The following NRXN3 variants were observed in gnomAD, a reference collection of about 807,000 sequenced individuals.
The protein encoded by NRXN3 is neurexin III.
A neutral mutation model predicts 137.6 loss-of-function variants in NRXN3; 32 were observed. That is an observed-to-expected ratio of 0.23 (90% CI 0.18 to 0.31). NRXN3 has a LOEUF of 0.31. Among genes scored for constraint, NRXN3 ranks in the 10% least tolerant of loss-of-function variants. NRXN3 has a pLI of 1.00. For missense variants in NRXN3, 1,574 were observed against 2,062.5 expected, an observed-to-expected ratio of 0.76 and a Z score of 4.59; for synonymous variants, 798 against 784.5, an observed-to-expected ratio of 1.02 and a Z score of -0.29.
intron 15 of NRXN3, among the ~76,000 whole-genome samples, chr14:79,168,306 T>C (rs957463217): frequency 6.6e-6 from 1 of 152,070 alleles, no homozygotes; most frequent in African/African-American, 2.4e-5. Flanking sequence ...AAAACTGTTG[T>C]GTGATAATAT....
intron 2 of NRXN3, among the ~76,000 whole-genome samples, chr14:78,276,428 G>A (rs1237404864): frequency 6.6e-6 from 1 of 152,128 alleles, no homozygotes; most frequent in Non-Finnish European, 1.5e-5. Flanking sequence ...GAGCCATCTG[G>A]TCAATATTTT....
chr14:78,715,928 A>T (rs2098430118), intron 8 of NRXN3, among the ~76,000 whole-genome samples: 1 of 152,204 alleles, frequency 6.6e-6, no homozygotes. Context: ...GAGACCTAAC[A>T]TACCATACAG....
chr14:79,044,398 C>T (rs571042338), intron 15 of NRXN3, among the ~76,000 whole-genome samples: 1 of 151,996 alleles, frequency 6.6e-6, no homozygotes, highest in Non-Finnish European at 1.5e-5. Context: ...AAACCTGGGC[C>T]GAGTTAAAAG....
chr14:78,456,799 C>CTCTTTATTTCTTTCTT (rs1555539842), intron 4 of NRXN3, among the ~76,000 whole-genome samples: 1 of 97,620 alleles, frequency 1.0e-5, no homozygotes, highest in Non-Finnish European at 2.2e-5. Flanking sequence ...CTCTCTTTCT[C>CTCTTTATTTCTTTCTT]TCTTTCTTTC....
intron 4 of NRXN3, among the ~76,000 whole-genome samples, chr14:78,558,986 A>G (rs2096763346): frequency 6.6e-6 from 1 of 152,220 alleles, no homozygotes; most frequent in Non-Finnish European, 1.5e-5. Context: ...GCTCAGACAC[A>G]TATCTCACAT....
Position 78,813,785 on chromosome 14 carries a change from G to C in NRXN3, c.2275+3441G>C, listed in dbSNP as rs1402776890. Among the ~76,000 whole-genome samples, 3 of 152,016 alleles carry C rather than the reference G, an allele frequency of 2.0e-5. No individual in the cohort carries two copies. In the East Asian group the frequency reaches 5.8e-4, roughly 29 times the overall value. ...AAAAGAAGGATGATCTTCCAGCATC[G>C]AGAGAAATCAATGGGCCATGAGAGA... On this transcript the variant is annotated intron_variant, in intron 10 of 20. Coordinates refer to ENST00000335750, the MANE Select transcript of NRXN3 (RefSeq NM_001330195.2).
chr14:78,753,284 A>G (rs1006694949), intron 8 of NRXN3, among the ~76,000 whole-genome samples: 19 of 152,212 alleles, frequency 1.2e-4, no homozygotes, highest in African/African-American at 4.6e-4. Context: ...ACAGAAAAAA[A>G]AAATTCTGTA....
intron 15 of NRXN3, among the ~76,000 whole-genome samples, chr14:79,455,550 G>A (rs1393483854): frequency 6.6e-6 from 1 of 151,976 alleles, no homozygotes; most frequent in Non-Finnish European, 1.5e-5. Context: ...CTTTCCAATG[G>A]TGTCTATGGT....
intron 16 of NRXN3, among the ~76,000 whole-genome samples, chr14:79,662,375 T>C (rs1197675999): frequency 6.6e-6 from 1 of 152,170 alleles, no homozygotes; most frequent in African/African-American, 2.4e-5. Flanking sequence ...TATATTTGAA[T>C]AGTAAGGTTA....
At chr14:78,662,981 G>A (rs531371167) in intron 6 of NRXN3, among the ~76,000 whole-genome samples, 1 of 152,306 alleles carries the variant, frequency 6.6e-6, no homozygotes, top group South Asian at 2.1e-4. Flanking sequence ...TGAAATGTGT[G>A]TCTACATGGT....
At chr14:79,315,599 CAA>C (rs1224992056) in intron 15 of NRXN3, among the ~76,000 whole-genome samples, 1 of 152,098 alleles carries the variant, frequency 6.6e-6, no homozygotes, top group Non-Finnish European at 1.5e-5. Context: ...AAACAAGTAC[CAA>C]AGTGCAGAAA....
intron 15 of NRXN3, among the ~76,000 whole-genome samples, chr14:79,178,885 C>T (rs2062630143): frequency 6.6e-6 from 1 of 152,196 alleles, no homozygotes; most frequent in Non-Finnish European, 1.5e-5. Flanking sequence ...TCATTAATCT[C>T]TGCCCAGGTC....
At chr14:78,443,983 A>G (rs1598744799) in intron 4 of NRXN3, among the ~76,000 whole-genome samples, 1 of 152,312 alleles carries the variant, frequency 6.6e-6, no homozygotes, top group Non-Finnish European at 1.5e-5. Context: ...CACCAACCTA[A>G]TAGTTTTGTC....
chr14:79,437,354 T>A (rs2153563015), intron 15 of NRXN3, among the ~76,000 whole-genome samples: 1 of 152,166 alleles, frequency 6.6e-6, no homozygotes, highest in Non-Finnish European at 1.5e-5. Context: ...TCCCACAGTT[T>A]TTTCCCCGGG....
intron 4 of NRXN3, among the ~76,000 whole-genome samples, chr14:78,567,018 C>T (rs1267465297): frequency 6.6e-6 from 1 of 152,142 alleles, no homozygotes; most frequent in Non-Finnish European, 1.5e-5. Flanking sequence ...CCTGGCTCCT[C>T]TTTACCTGGG....
Position 78,317,676 on chromosome 14 carries a change from G to A in NRXN3, c.757+19816G>A, listed in dbSNP as rs539313755. Among the ~76,000 whole-genome samples, 34 of 152,216 alleles carry A rather than the reference G, an allele frequency of 2.2e-4. 1 individual carries two copies. In the South Asian group the frequency reaches 5.4e-3, roughly 24 times the overall value. Reference sequence around the variant, plus strand: ...TCACTCAGTTCACTGATTCTAATGCGAATCCCATTTAGAAATACCTTCCCA... The same window carrying A: ...TCACTCAGTTCACTGATTCTAATGCAAATCCCATTTAGAAATACCTTCCCA... On this transcript the variant is annotated intron_variant, in intron 4 of 20. Coordinates refer to ENST00000335750, the MANE Select transcript of NRXN3 (RefSeq NM_001330195.2).
intron 8 of NRXN3, among the ~76,000 whole-genome samples, chr14:78,729,160 A>G (rs1303163330): frequency 6.6e-6 from 1 of 152,250 alleles, no homozygotes; most frequent in Non-Finnish European, 1.5e-5. Context: ...AGCAGATCTT[A>G]TAAAGTTTGT....
chr14:78,235,767 A>G (rs1226432309), intron 1 of NRXN3, among the ~76,000 whole-genome samples: 1 of 152,100 alleles, frequency 6.6e-6, no homozygotes, highest in African/African-American at 2.4e-5. Context: ...TCTTTTTCCT[A>G]AAGGGTAAGG....
At chr14:79,250,463 T>A (rs1304914965) in intron 15 of NRXN3, among the ~76,000 whole-genome samples, 1 of 152,192 alleles carries the variant, frequency 6.6e-6, no homozygotes, top group East Asian at 1.9e-4. Context: ...CTCTATGATA[T>A]GCTGAGAGCT....
Sources: allele counts gnomAD v4.1 joint callset (sites outside exome capture counted in the v4.1 genomes callset), GRCh38; gene constraint gnomAD v4.1.1; transcripts MANE v1.5; gene names NCBI Gene and HGNC (gene_info 2026-07-23, HGNC 2026-07-21).